The following ZBTB40 variants were observed in gnomAD, a reference collection of about 807,000 sequenced individuals.
The protein encoded by ZBTB40 is zinc finger and BTB domain containing 40, also known as zinc finger and BTB domain-containing protein 40.
ZBTB40 carries 60 observed loss-of-function variants against 117.5 expected under a neutral mutation model. The observed-to-expected ratio is 0.51, with a 90% CI of 0.41 to 0.63. The LOEUF (loss-of-function observed/expected upper bound fraction) is 0.63, where lower values mean the gene tolerates loss of function less well. Ranked by LOEUF, ZBTB40 falls within the 30% of genes least tolerant of loss-of-function variation. The pLI is 0.00. For missense variants in ZBTB40, 1,287 were observed against 1,498.5 expected (o/e 0.86, Z 2.33); for synonymous variants, 525 against 577.1 (o/e 0.91, Z 1.29).
Position 22,508,108 on chromosome 1 carries a change from A to G in ZBTB40, c.1468A>G (p.Met490Val), listed in dbSNP as rs141301731. 4.6e-4 allele frequency: 735 copies of G among 1,614,084 alleles called. 1 individual carries two copies. The highest frequency in any genetic ancestry group is 5.8e-4 in the Non-Finnish European group (690 of 1,180,028). The change falls in exon 7 of 18, where the codon ATG becomes GTG. Residue 490 changes from methionine (M) to valine (V), a missense_variant. This residue lies in a region of ZBTB40 where 870 missense variants were observed against 934.4 expected (regional missense o/e 0.93). Transcript: ENST00000375647. ...GATTTTATTAAAGATGATCTCACACATGACAAGTTTAGCCCCTGGAGAAAG... is the reference window on the plus strand; with the variant it reads ...GATTTTATTAAAGATGATCTCACACGTGACAAGTTTAGCCCCTGGAGAAAG... ...NQILLKMISH[M>V]TSLAPGEREV... is the part of the protein sequence containing the mutation.
Position 22,513,013 on chromosome 1 carries a change from C to A in ZBTB40, c.2551C>A (p.Leu851Met), listed in dbSNP as rs1190434362. ...GGCGAAGTTTGCAGCCAATTCCACC[C>A]TGAAGAACCACCTTCGCCTTCACAC... ...CGAKFAANSTLKNHLRLHTGD... is the reference protein window; with the variant it reads ...CGAKFAANSTMKNHLRLHTGD... Residue 851 changes from leucine to methionine, a missense_variant, in exon 12 of 18, where the codon CTG becomes ATG. By Grantham distance (15) the Leu-to-Met change is conservative. Transcript: ENST00000375647. This position sits in a 1 kb window ranked among gnomAD's most constrained non-coding sequence, Gnocchi z 4.9. The A allele has an allele frequency of 6.2e-7, 1 of 1,614,102 alleles. No individual in the cohort carries two copies. The highest frequency in any genetic ancestry group is 8.5e-7 in the Non-Finnish European group (1 of 1,180,054).
intron 1 of ZBTB40, among the ~76,000 whole-genome samples, chr1:22,466,152 G>T (rs1397878846): frequency 6.6e-6 from 1 of 152,128 alleles, no homozygotes; most frequent in African/African-American, 2.4e-5. Flanking sequence ...TTTATGTCTG[G>T]CTAAACTGGC....
intron 1 of ZBTB40, among the ~76,000 whole-genome samples, chr1:22,468,496 G>A (rs1181397164): frequency 1.1e-5 from 1 of 89,646 alleles, no homozygotes; most frequent in Non-Finnish European, 2.0e-5. Context: ...TTTTTTTGGA[G>A]ACAGGATGTC....
intron 2 of ZBTB40, among the ~76,000 whole-genome samples, 157 bp from the exon 3 acceptor site, chr1:22,491,242 CT>C (rs1638623136): frequency 1.3e-5 from 2 of 152,192 alleles, no homozygotes. Context: ...AAGGAGGAAG[CT>C]GTGAGAGATA....
intron 1 of ZBTB40, among the ~76,000 whole-genome samples, chr1:22,464,264 T>A (rs1641200845): frequency 6.6e-6 from 1 of 152,224 alleles, no homozygotes. Context: ...ACCCGGGTAG[T>A]CTGGCTCCAG....
intron 1 of ZBTB40, among the ~76,000 whole-genome samples, chr1:22,433,348 G>T (rs1361246138): frequency 2.1e-5 from 3 of 145,564 alleles, no homozygotes; most frequent in Non-Finnish European, 4.5e-5. Flanking sequence ...CAGGAGAATG[G>T]CGTGAACCCA....
intron 1 of ZBTB40, among the ~76,000 whole-genome samples, chr1:22,457,736 A>G (rs543534393): frequency 3.3e-5 from 5 of 152,250 alleles, no homozygotes; most frequent in Non-Finnish European, 2.9e-5. Context: ...TATTTTTAGC[A>G]TAAAAACAAA....
At chr1:22,516,905 C>CAA (rs1639386325) in intron 12 of ZBTB40, among the ~76,000 whole-genome samples, 1 of 151,808 alleles carries the variant, frequency 6.6e-6, no homozygotes, top group Admixed American at 6.6e-5. Flanking sequence ...ACGACTCTCA[C>CAA]CTTTGTGCAC....
In ZBTB40 at chr1:22,520,051, G is replaced by T. The variant is rs751948484; in HGVS notation, c.2834-10G>T. 2 of 1,613,736 alleles carry T rather than the reference G, an allele frequency of 1.2e-6. No individual in the cohort carries two copies. The highest frequency in any genetic ancestry group is 1.3e-5 in the African/African-American group (1 of 75,010). On this transcript the variant is annotated splice_polypyrimidine_tract_variant and intron_variant, in intron 13 of 17. Transcript: ENST00000375647. ...CACCTCTTCCTCTCATGGATGTCCC[G>T]TGAAACTAGACATAGAAGATCCTTA...
chr1:22,512,919 C>G lies in ZBTB40; in HGVS notation c.2462-5C>G. 6.2e-7 allele frequency: 1 copy of G among 1,614,160 alleles called. No homozygotes were observed. The highest frequency in any genetic ancestry group is 1.3e-5 in the African/African-American group (1 of 75,038). ...TCTGGCCTCTGGTGTGCTTGGCTTC[C>G]CTAGGCATGCAGTACCATAAGCTGA... is the stretch of plus-strand genomic sequence containing the variant. On this transcript the variant is annotated splice_polypyrimidine_tract_variant and splice_region_variant and intron_variant, in intron 11 of 17. Transcript: ENST00000375647.
chr1:22,433,441 A>AAACAAAAAC (rs1243080717), intron 1 of ZBTB40, among the ~76,000 whole-genome samples: 4 of 140,134 alleles, frequency 2.9e-5, no homozygotes, highest in Admixed American at 7.2e-5. Context: ...TCAAAAAAAA[A>AAACAAAAAC]AAAAAAAAAA....
rs375374196 is a variant in ZBTB40 at position 22,508,504 on chromosome 1, G to A, written c.1498-26G>A. 59 of 1,613,622 alleles carry A rather than the reference G, an allele frequency of 3.7e-5. No homozygotes were observed. In the South Asian group the frequency reaches 4.5e-4, roughly 12 times the overall value. ...GGCTAGTGGCTGGAGAGTCTCTTAC[G>A]TGAGTGTTTGTGTTACATCTTGAAG... is the stretch of plus-strand genomic sequence containing the variant. On this transcript the variant is annotated intron_variant, in intron 7 of 17. Coordinates refer to ENST00000375647, the MANE Select transcript of ZBTB40 (RefSeq NM_014870.4).
intron 1 of ZBTB40, among the ~76,000 whole-genome samples, chr1:22,473,260 G>A (rs574998341): frequency 1.4e-4 from 21 of 152,224 alleles, no homozygotes; most frequent in South Asian, 6.2e-4. Context: ...AGCAAGATCC[G>A]CAGGTGATTC....
At chr1:22,517,075 T>C (rs1639391648) in intron 12 of ZBTB40, among the ~76,000 whole-genome samples, 1 of 152,110 alleles carries the variant, frequency 6.6e-6, no homozygotes, top group African/African-American at 2.4e-5. Context: ...CCGTCCTTAT[T>C]CCTTTGTCCA....
At chr1:22,515,116 A>T (rs1032632541) in intron 12 of ZBTB40, among the ~76,000 whole-genome samples, 3 of 152,228 alleles carry the variant, frequency 2.0e-5, no homozygotes, top group Admixed American at 2.0e-4. Context: ...TTTGTGGAGA[A>T]ACCTAAACAA....
chr1:22,508,207 C>T (rs1639126905), intron 7 of ZBTB40, 70 bp downstream of exon 7: 1 of 1,512,262 alleles, frequency 6.6e-7, no homozygotes, highest in Admixed American at 1.8e-5. Flanking sequence ...TGAATACACA[C>T]ACACATTTAT....
intron 3 of ZBTB40, 108 bp from the exon 4 acceptor site, chr1:22,501,384 G>C: frequency 8.3e-7 from 1 of 1,209,424 alleles, no homozygotes; most frequent in Non-Finnish European, 1.2e-6. Context: ...GGAGCTTCAG[G>C]AGAAGCTGGC....
chr1:22,437,569 A>G lies in ZBTB40; in HGVS notation c.-70+8555A>G, dbSNP rs544104503. Among the ~76,000 whole-genome samples, 11 of 151,716 alleles carry G rather than the reference A, an allele frequency of 7.3e-5. No homozygotes were observed. The East Asian group carries it at 1.6e-3, about 22-fold the overall frequency. On this transcript the variant is annotated intron_variant, in intron 1 of 8. Transcript: ENST00000650433. ...CCAAGTAGCTGAACTACAGGCACGC[A>G]CCACTACACCCGGCTAATTTTTGTA...
In ZBTB40 at chr1:22,487,015, G is replaced by A. The variant is rs566044195; in HGVS notation, c.-69-2865G>A. 3.3e-5 allele frequency among the ~76,000 whole-genome samples: 5 copies of A among 152,288 alleles called. No homozygotes were observed. The East Asian group carries it at 7.7e-4, about 24-fold the overall frequency. On this transcript the variant is annotated intron_variant, in intron 1 of 17. Transcript: ENST00000375647. ...CTCCCAAAGTGCTGGGATTACAAGC[G>A]TGAGCTGCTGCGCCTGGCTTGTGTT...
Sources: allele counts gnomAD v4.1 joint callset (sites outside exome capture counted in the v4.1 genomes callset), GRCh38; gene constraint gnomAD v4.1.1; regional missense constraint gnomAD v4.1.1; non-coding constraint Gnocchi (gnomAD v3.1); transcripts MANE v1.5; gene names NCBI Gene and HGNC (gene_info 2026-07-23, HGNC 2026-07-21).